The following HIGD1C variants were observed in gnomAD, a reference collection of about 807,000 sequenced individuals.
HIGD1C encodes the protein HIG1 domain family member 1C.
HIGD1C carries 11 observed loss-of-function variants against 13.1 expected under a neutral mutation model. The ratio of observed to expected loss-of-function variants is 0.84; its 90% CI spans 0.53 to 1.39. The LOEUF is 1.39. HIGD1C is among the 40% of genes most tolerant of loss of function. The pLI is 0.00. For missense variants in HIGD1C, 110 were observed against 112.0 expected (o/e 0.98, Z 0.08); for synonymous variants, 36 against 37.7 (o/e 0.95, Z 0.17).
downstream of HIGD1C, among the ~76,000 whole-genome samples, chr12:50,970,791 A>C (rs1474428945): frequency 6.6e-6 from 1 of 152,222 alleles, no homozygotes; most frequent in Admixed American, 6.5e-5. Context: ...TCTGCCACTA[A>C]TCTGTCAAAC....
intron 1 of HIGD1C, among the ~76,000 whole-genome samples, chr12:50,959,082 T>C (rs1939223697): frequency 6.6e-6 from 1 of 152,206 alleles, no homozygotes; most frequent in Non-Finnish European, 1.5e-5. Flanking sequence ...ACTGTGCATT[T>C]TGTCCTTGTC....
intron 2 of HIGD1C, among the ~76,000 whole-genome samples, chr12:50,963,448 A>G (rs1395361297): frequency 6.6e-6 from 1 of 151,864 alleles, no homozygotes; most frequent in African/African-American, 2.4e-5. Context: ...TGCAAAGATG[A>G]GCTAGAACAA....
chr12:50,955,578 G>GT (rs1939063243), intron 1 of HIGD1C, among the ~76,000 whole-genome samples: 1 of 152,030 alleles, frequency 6.6e-6, no homozygotes, highest in South Asian at 2.1e-4. Flanking sequence ...TTCTAAATAG[G>GT]TATGTCAGAT....
chr12:50,931,361 T>G, the HIGD1C span: 1 of 152,110 alleles, frequency 6.6e-6, no homozygotes, highest in Non-Finnish European at 1.5e-5. Context: ...TAATTAAGAA[T>G]CTGAGTCTAA....
At chr12:50,942,220 TTCTGAG>T in the HIGD1C span, among the ~76,000 whole-genome samples, 1 of 152,204 alleles carries the variant, frequency 6.6e-6, no homozygotes, top group African/African-American at 2.4e-5. Flanking sequence ...ATCAGCCAAT[TTCTGAG>T]TGAGGGGGAC....
At chr12:50,958,034 G>C (rs1939176432) in intron 1 of HIGD1C, among the ~76,000 whole-genome samples, 1 of 149,274 alleles carries the variant, frequency 6.7e-6, no homozygotes, top group Non-Finnish European at 1.5e-5. Context: ...CCGAACTTCT[G>C]ACCTCAAGTG....
the HIGD1C span, among the ~76,000 whole-genome samples, chr12:50,936,159 CAAAA>C: frequency 7.7e-6 from 1 of 129,276 alleles, no homozygotes. Context: ...AACACCGTCT[CAAAA>C]AAAAAAAAAA....
intron 2 of HIGD1C, among the ~76,000 whole-genome samples, chr12:50,969,296 AAAAAT>A (rs1432480450): frequency 1.3e-5 from 2 of 148,920 alleles, no homozygotes; most frequent in Non-Finnish European, 3.0e-5. Flanking sequence ...CCCATCTCAA[AAAAAT>A]AAAATAAGTA....
intron 2 of HIGD1C, among the ~76,000 whole-genome samples, chr12:50,965,598 T>C (rs1422227230): frequency 6.6e-6 from 1 of 152,140 alleles, no homozygotes; most frequent in African/African-American, 2.4e-5. Flanking sequence ...GGCTTGACTA[T>C]GAAACAGACC....
downstream of HIGD1C, among the ~76,000 whole-genome samples, chr12:50,971,802 T>A (rs1201088753): frequency 6.6e-6 from 1 of 152,258 alleles, no homozygotes; most frequent in African/African-American, 2.4e-5. Context: ...AGGTTTACAC[T>A]GACAAGAAGG....
chr12:50,971,424 G>T (rs1039151665), downstream of HIGD1C, among the ~76,000 whole-genome samples: 1 of 152,104 alleles, frequency 6.6e-6, no homozygotes, highest in African/African-American at 2.4e-5. Flanking sequence ...TTCATTTTTA[G>T]ACTTTAAAGT....
chr12:50,968,690 C>T (rs1286808154), intron 2 of HIGD1C, among the ~76,000 whole-genome samples: 2 of 151,914 alleles, frequency 1.3e-5, no homozygotes, highest in African/African-American at 2.4e-5. Flanking sequence ...TACAGGCACC[C>T]GTCACCACAC....
chr12:50,943,726 G>T, the HIGD1C span, among the ~76,000 whole-genome samples: 3 of 151,412 alleles, frequency 2.0e-5, no homozygotes, highest in South Asian at 4.2e-4. Context: ...AAAAAAATCT[G>T]CAGTTTATTA....
At chr12:50,954,525 T>C (rs1216384505) in intron 1 of HIGD1C, among the ~76,000 whole-genome samples, 3 of 152,238 alleles carry the variant, frequency 2.0e-5, no homozygotes, top group East Asian at 1.9e-4. Context: ...CTTCTGTTTA[T>C]AGATTTTTCT....
chr12:50,955,001 C>T (rs1939038148), intron 1 of HIGD1C, among the ~76,000 whole-genome samples: 1 of 151,884 alleles, frequency 6.6e-6, no homozygotes. Context: ...AGAAGTGATA[C>T]TATAATTAGG....
chr12:50,972,309 A>G (rs706801), downstream of HIGD1C, among the ~76,000 whole-genome samples: 39,452 of 152,138 alleles, frequency 0.26, 5,477 homozygotes, highest in South Asian at 0.36. Context: ...TACTCTGAGA[A>G]AGCTAAAGTA....
At chr12:50,965,132 G>A (rs1015808746) in intron 2 of HIGD1C, among the ~76,000 whole-genome samples, 1 of 151,904 alleles carries the variant, frequency 6.6e-6, no homozygotes, top group Middle Eastern at 3.4e-3. Context: ...TTTGTTTTTT[G>A]AGACAGGGTC....
rs1274070469 is a variant in HIGD1C at position 50,969,958 on chromosome 12, C to T, written c.230-484C>T. ...TTACCCTATTCCTTCTGGCTACTTCCCCCTTTCTGCATGCCCCAGGACTCT... is the reference window on the plus strand; with the variant it reads ...TTACCCTATTCCTTCTGGCTACTTCTCCCTTTCTGCATGCCCCAGGACTCT... On this transcript the variant is annotated intron_variant, in intron 2 of 2. Coordinates refer to ENST00000398455, the Ensembl canonical transcript of HIGD1C. 2.6e-5 allele frequency among the ~76,000 whole-genome samples: 4 copies of T among 152,028 alleles called. No individual in the cohort carries two copies. The East Asian group carries it at 7.7e-4, about 29-fold the overall frequency.
intron 1 of HIGD1C, among the ~76,000 whole-genome samples, chr12:50,955,561 T>C (rs928689074): frequency 1.3e-5 from 2 of 152,198 alleles, no homozygotes; most frequent in African/African-American, 2.4e-5. Context: ...ATTAATTCCA[T>C]AAAAACTTCT....
Sources: allele counts gnomAD v4.1 joint callset (sites outside exome capture counted in the v4.1 genomes callset), GRCh38; gene constraint gnomAD v4.1.1; transcripts MANE v1.5; gene names NCBI Gene and HGNC (gene_info 2026-07-23, HGNC 2026-07-21).